The following PPARGC1A variants were observed in gnomAD, a reference collection of about 807,000 sequenced individuals.
PPARGC1A encodes PPARG coactivator 1 alpha, also known as peroxisome proliferator-activated receptor gamma coactivator 1-alpha.
A neutral mutation model predicts 88.7 loss-of-function variants in PPARGC1A; 25 were observed. The observed-to-expected ratio is 0.28, with a 90% CI of 0.21 to 0.39. The LOEUF (loss-of-function observed/expected upper bound fraction) is 0.39. Among genes scored for constraint, PPARGC1A ranks in the 10% least tolerant of loss-of-function variants. The probability of loss-of-function intolerance (pLI) is 1.00; values close to 1 mark genes in which losing one functional copy is unlikely to be tolerated. For missense variants in PPARGC1A, 880 were observed against 968.7 expected (o/e 0.91, Z 1.22); for synonymous variants, 363 against 355.6 (o/e 1.02, Z -0.24).
At chr4:24,386,472 T>C in the PPARGC1A span, among the ~76,000 whole-genome samples, 3 of 152,354 alleles carry the variant, frequency 2.0e-5, no homozygotes, top group South Asian at 6.2e-4. Context: ...GCAGATGACA[T>C]GATTGCATAT....
intron 2 of PPARGC1A, chr4:23,883,229 C>T (rs747469956): frequency 6.6e-6 from 1 of 152,162 alleles, no homozygotes; most frequent in Non-Finnish European, 1.5e-5. Flanking sequence ...TCTGTCTCCC[C>T]AGTCCAAACT....
At chr4:24,194,605 G>GGC in the PPARGC1A span, among the ~76,000 whole-genome samples, 1 of 114,566 alleles carries the variant, frequency 8.7e-6, no homozygotes, top group Admixed American at 8.4e-5. Context: ...CCAGTGGGCT[G>GGC]GCACACACGC....
At chr4:24,456,961 T>G in the PPARGC1A span, among the ~76,000 whole-genome samples, 23 of 152,250 alleles carry the variant, frequency 1.5e-4, no homozygotes, top group East Asian at 3.7e-3. Context: ...AAGACCACCC[T>G]GATGGTGGCA....
chr4:24,285,871 A>G, the PPARGC1A span, among the ~76,000 whole-genome samples: 1 of 152,182 alleles, frequency 6.6e-6, no homozygotes. Context: ...GTTTCTCCCC[A>G]TAATTTCTCT....
chr4:24,387,956 G>GAAAGAAAGA, the PPARGC1A span, among the ~76,000 whole-genome samples: 1 of 148,142 alleles, frequency 6.8e-6, no homozygotes, highest in African/African-American at 2.5e-5. Context: ...AAGAAAGAAA[G>GAAAGAAAGA]AAAGGGAGAG....
At chr4:24,287,619 T>A in the PPARGC1A span, among the ~76,000 whole-genome samples, 286 of 117,972 alleles carry the variant, frequency 2.4e-3, no homozygotes, top group Admixed American at 6.9e-3. Context: ...ACCAATAAAA[T>A]GCTCAACACC....
the PPARGC1A span, among the ~76,000 whole-genome samples, chr4:24,128,743 C>T: frequency 1.3e-5 from 2 of 152,068 alleles, no homozygotes; most frequent in Non-Finnish European, 2.9e-5. Flanking sequence ...ATTCTCTCCC[C>T]ATCTTCTCTT....
the PPARGC1A span, among the ~76,000 whole-genome samples, chr4:24,212,636 T>C: frequency 4.6e-5 from 7 of 152,204 alleles, no homozygotes; most frequent in South Asian, 2.1e-4. Flanking sequence ...ATGGTGATAA[T>C]TGGGCAACTT....
At chr4:24,311,038 TG>T in the PPARGC1A span, among the ~76,000 whole-genome samples, 1 of 147,068 alleles carries the variant, frequency 6.8e-6, no homozygotes, top group Admixed American at 6.8e-5. Flanking sequence ...ACAACTAAAA[TG>T]AGAATATTAA....
the PPARGC1A span, among the ~76,000 whole-genome samples, chr4:23,923,116 G>GTTTTTTTTTTTTTTT: frequency 7.6e-6 from 1 of 131,688 alleles, no homozygotes. Context: ...TTTGTTGCTT[G>GTTTTTTTTTTTTTTT]TTTTTTTTTT....
the PPARGC1A span, among the ~76,000 whole-genome samples, chr4:24,342,186 A>G: frequency 1.3e-5 from 2 of 152,158 alleles, no homozygotes; most frequent in Non-Finnish European, 2.9e-5. Context: ...GGCACTTGAT[A>G]AATACTTATT....
At chr4:23,965,177 T>C in the PPARGC1A span, among the ~76,000 whole-genome samples, 1 of 152,166 alleles carries the variant, frequency 6.6e-6, no homozygotes, top group South Asian at 2.1e-4. Flanking sequence ...TTCTGTATAC[T>C]CCAGTTGGGA....
chr4:23,918,043 G>A, the PPARGC1A span, among the ~76,000 whole-genome samples: 1 of 152,138 alleles, frequency 6.6e-6, no homozygotes, highest in Non-Finnish European at 1.5e-5. Context: ...GTGCCGGCAT[G>A]AGCTGGATGG....
chr4:24,237,957 T>C, the PPARGC1A span, among the ~76,000 whole-genome samples: 1 of 152,214 alleles, frequency 6.6e-6, no homozygotes, highest in Non-Finnish European at 1.5e-5. Flanking sequence ...TCATCTCCCA[T>C]AATCCTCAAG....
chr4:24,375,269 T>G, the PPARGC1A span, among the ~76,000 whole-genome samples: 61,300 of 151,702 alleles, frequency 0.4, 13,014 homozygotes, highest in East Asian at 0.58. Context: ...TTCAGTTAAA[T>G]GATACATTGA....
the PPARGC1A span, among the ~76,000 whole-genome samples, chr4:24,429,409 G>A: frequency 6.6e-6 from 1 of 152,122 alleles, no homozygotes; most frequent in East Asian, 1.9e-4. Flanking sequence ...TAATGAGGGA[G>A]ACAAAGGCAT....
the PPARGC1A span, among the ~76,000 whole-genome samples, chr4:24,388,426 T>C: frequency 2.0e-5 from 3 of 152,120 alleles, no homozygotes; most frequent in Non-Finnish European, 4.4e-5. Flanking sequence ...TCCTCAAGGA[T>C]CTAGAACCAG....
At chr4:24,197,298 CA>C in the PPARGC1A span, among the ~76,000 whole-genome samples, 2 of 152,106 alleles carry the variant, frequency 1.3e-5, no homozygotes, top group Non-Finnish European at 2.9e-5. Flanking sequence ...CATTGTGGGC[CA>C]AAATGAAATT....
the PPARGC1A span, among the ~76,000 whole-genome samples, chr4:24,321,217 T>C: frequency 1.3e-5 from 2 of 152,138 alleles, no homozygotes; most frequent in Non-Finnish European, 2.9e-5. Context: ...GTGATTAAAA[T>C]GAAGCAAAAA....
Sources: allele counts gnomAD v4.1 joint callset (sites outside exome capture counted in the v4.1 genomes callset), GRCh38; gene constraint gnomAD v4.1.1; transcripts MANE v1.5; gene names NCBI Gene and HGNC (gene_info 2026-07-23, HGNC 2026-07-21).